The following MAPK9 variants were observed in gnomAD, a reference collection of about 807,000 sequenced individuals.
MAPK9 encodes mitogen-activated protein kinase 9.
MAPK9 carries 30 observed loss-of-function variants against 57.1 expected under a neutral mutation model. That is an observed-to-expected ratio of 0.53 (90% CI 0.39 to 0.71). MAPK9 has a LOEUF of 0.71. MAPK9 is among the 30% of genes least tolerant of loss of function. MAPK9 has a pLI of 0.00. For synonymous variants in MAPK9, 155 were observed against 177.0 expected (o/e 0.88, Z 0.99); for missense variants, 362 against 521.0 (o/e 0.69, Z 2.97).
At chr5:180,256,531 G>A in intron 5 of MAPK9, among the ~76,000 whole-genome samples, 1 of 152,196 alleles carries the variant, frequency 6.6e-6, no homozygotes, top group Admixed American at 6.5e-5. Context: ...GCCTGGCAAG[G>A]CCATGGATGT....
intron 5 of MAPK9, among the ~76,000 whole-genome samples, chr5:180,255,444 C>T (rs961093864): frequency 1.3e-5 from 2 of 152,016 alleles, no homozygotes; most frequent in African/African-American, 2.4e-5. Flanking sequence ...GGGAGAGGTT[C>T]CTGAGAAGAT....
chr5:180,266,613 C>G (rs78234354), intron 3 of MAPK9, among the ~76,000 whole-genome samples: 7 of 151,788 alleles, frequency 4.6e-5, no homozygotes, highest in Admixed American at 4.6e-4. Flanking sequence ...CCACAGCGCC[C>G]GGCTGATACT....
At chr5:180,291,290 G>A (rs1001603369) in intron 1 of MAPK9, among the ~76,000 whole-genome samples, 1 of 150,778 alleles carries the variant, frequency 6.6e-6, no homozygotes, top group Non-Finnish European at 1.5e-5. Flanking sequence ...AGGCAAGAGA[G>A]GAGTGCGCGG....
At position 180,280,427 on chromosome 5, in the gene MAPK9, A is replaced by T. The variant is rs377440301; in HGVS notation, c.122+13T>A. On this transcript the variant is annotated intron_variant, in intron 2 of 11. Transcript: ENST00000452135. Reference sequence around the variant, plus strand: ...AAAACTCAATCCACGCTATTAAAACAGACCATACTTACCAAACAATCCCTT... The same window carrying T: ...AAAACTCAATCCACGCTATTAAAACTGACCATACTTACCAAACAATCCCTT... 1.2e-6 allele frequency: 2 copies of T among 1,613,036 alleles called. No homozygotes were observed. Among genetic ancestry groups the T allele is most frequent in the Non-Finnish European group, 1.7e-6 (2 of 1,179,746 alleles).
chr5:180,255,099 G>A (rs570564022), intron 5 of MAPK9, among the ~76,000 whole-genome samples: 1 of 152,256 alleles, frequency 6.6e-6, no homozygotes, highest in Admixed American at 6.5e-5. Context: ...CACAGGCACT[G>A]CCTCCGCCAT....
Position 180,292,047 on chromosome 5 carries a change from C to A in MAPK9, c.-247G>T, listed in dbSNP as rs1041626567. ...CGCTGCGACCCTTCCGGTCCCGCTCCCTTCTCCGCCGCTGCCGCCGCCGCG... is the reference window on the plus strand; with the variant it reads ...CGCTGCGACCCTTCCGGTCCCGCTCACTTCTCCGCCGCTGCCGCCGCCGCG... On this transcript the variant is annotated 5_prime_UTR_variant, in exon 1 of 12. Transcript: ENST00000452135. 2 of 153,722 alleles carry A rather than the reference C, an allele frequency of 1.3e-5. No individual in the cohort carries two copies. Among genetic ancestry groups the A allele is most frequent in the Non-Finnish European group, 2.9e-5 (2 of 69,512 alleles). The allele number at this position is 153,722 out of a possible 1,614,324, so 9.5% of individuals were successfully genotyped here.
chr5:180,236,556 T>C lies in MAPK9; in HGVS notation c.1133-30A>G, dbSNP rs527563372. 35 of 1,601,942 alleles carry C rather than the reference T, an allele frequency of 2.2e-5. No individual in the cohort carries two copies. In the South Asian group the frequency reaches 3.0e-4, roughly 14 times the overall value. On this transcript the variant is annotated intron_variant, in intron 11 of 11. Transcript: ENST00000452135. ...GCTAAGAAAACCAAATATAATAAAA[T>C]CTGAGGCACGACATTGCTGCAAATC...
At chr5:180,283,897 T>G (rs554263189) in intron 1 of MAPK9, among the ~76,000 whole-genome samples, 1 of 152,182 alleles carries the variant, frequency 6.6e-6, no homozygotes, top group East Asian at 1.9e-4. Context: ...ATCGTGCCAC[T>G]CCAGCCTGGG....
chr5:180,264,428 G>A (rs1760319432), intron 4 of MAPK9, among the ~76,000 whole-genome samples: 1 of 152,134 alleles, frequency 6.6e-6, no homozygotes, highest in African/African-American at 2.4e-5. Context: ...TAGAATTAGT[G>A]ACTTAATCAT....
intron 5 of MAPK9, among the ~76,000 whole-genome samples, chr5:180,260,591 A>C (rs981162183): frequency 6.6e-6 from 1 of 152,208 alleles, no homozygotes; most frequent in Non-Finnish European, 1.5e-5. Flanking sequence ...AATTCTGTAG[A>C]TACCCTTTAA....
chr5:180,241,586 G>A (rs565176780), intron 8 of MAPK9, among the ~76,000 whole-genome samples: 3 of 152,194 alleles, frequency 2.0e-5, no homozygotes, highest in African/African-American at 2.4e-5. Context: ...GGCGTGAGCC[G>A]CCGCACCCAG....
intron 3 of MAPK9, among the ~76,000 whole-genome samples, chr5:180,268,185 GAACA>G (rs1401689532): frequency 6.6e-6 from 1 of 152,180 alleles, no homozygotes; most frequent in Non-Finnish European, 1.5e-5. Context: ...ACCACTAGGA[GAACA>G]AACAATGTGC....
intron 7 of MAPK9, 86 bp from the exon 8 acceptor site, chr5:180,242,841 T>C: frequency 9.8e-7 from 1 of 1,023,854 alleles, no homozygotes; most frequent in Non-Finnish European, 1.4e-6. Flanking sequence ...TATTTAAACC[T>C]ATCGACTAGG....
At chr5:180,248,650 G>A (rs1403622343) in intron 6 of MAPK9, among the ~76,000 whole-genome samples, 1 of 152,232 alleles carries the variant, frequency 6.6e-6, no homozygotes, top group Admixed American at 6.5e-5. Flanking sequence ...GGGGCCATGG[G>A]GAGGCCAGAG....
At chr5:180,284,369 C>G (rs1414531130) in intron 1 of MAPK9, among the ~76,000 whole-genome samples, 1 of 152,224 alleles carries the variant, frequency 6.6e-6, no homozygotes, top group Non-Finnish European at 1.5e-5. Context: ...CAGCGCCCGC[C>G]AGGCTGCACT....
At chr5:180,281,131 AG>A (rs1190495803) in intron 1 of MAPK9, among the ~76,000 whole-genome samples, 14 of 152,256 alleles carry the variant, frequency 9.2e-5, no homozygotes, top group African/African-American at 3.4e-4. Context: ...AGGCTGTCAG[AG>A]GCCTGGTGGC....
intron 7 of MAPK9, 81 bp from the exon 8 acceptor site, chr5:180,242,836 A>T: frequency 9.1e-7 from 1 of 1,104,932 alleles, no homozygotes; most frequent in Non-Finnish European, 1.3e-6. Context: ...AATAATATTT[A>T]AACCTATCGA....
intron 1 of MAPK9, among the ~76,000 whole-genome samples, chr5:180,291,016 G>C (rs959305428): frequency 6.6e-6 from 1 of 152,244 alleles, no homozygotes; most frequent in Non-Finnish European, 1.5e-5. Context: ...GGAAGAAAGA[G>C]GGTGGTCGAG....
chr5:180,265,568 C>T (rs1226144023), intron 3 of MAPK9, among the ~76,000 whole-genome samples: 1 of 152,224 alleles, frequency 6.6e-6, no homozygotes, highest in Non-Finnish European at 1.5e-5. Context: ...TCGTCTTCCG[C>T]CATGATTGCA....
Sources: allele counts gnomAD v4.1 joint callset (sites outside exome capture counted in the v4.1 genomes callset), GRCh38; gene constraint gnomAD v4.1.1; transcripts MANE v1.5; gene names NCBI Gene and HGNC (gene_info 2026-07-23, HGNC 2026-07-21).